Variants in PARD3 observed in about 807,000 individuals in gnomAD.
The protein encoded by PARD3 is par-3 family cell polarity regulator, also known as partitioning defective 3 homolog.
In PARD3, 75 loss-of-function variants were observed where a neutral mutation model predicts 155.4. The observed-to-expected ratio is 0.48, with a 90% CI of 0.40 to 0.58. The LOEUF (loss-of-function observed/expected upper bound fraction) is 0.58, where lower values mean the gene tolerates loss of function less well. Ranked by LOEUF, PARD3 falls within the 20% of genes least tolerant of loss-of-function variation. The pLI is 0.00. For synonymous variants in PARD3, 576 were observed against 610.5 expected, an observed-to-expected ratio of 0.94 and a Z score of 0.83; for missense variants, 1,642 against 1,721.7, an observed-to-expected ratio of 0.95 and a Z score of 0.82.
chr10:34,703,145 G>C (rs1329301193), intron 1 of PARD3, among the ~76,000 whole-genome samples: 2 of 152,088 alleles, frequency 1.3e-5, no homozygotes, highest in African/African-American at 4.8e-5. Flanking sequence ...GCACTTTGGA[G>C]GCCAAGGCAG....
At chr10:34,220,561 T>C (rs536134763) in intron 22 of PARD3, among the ~76,000 whole-genome samples, 17 of 152,240 alleles carry the variant, frequency 1.1e-4, no homozygotes, top group Admixed American at 2.0e-4. Flanking sequence ...GCCCTCTGAA[T>C]AGGGGGTGAT....
At chr10:34,434,466 A>G (rs1423939268) in intron 5 of PARD3, among the ~76,000 whole-genome samples, 1 of 152,222 alleles carries the variant, frequency 6.6e-6, no homozygotes. Context: ...GGTCAGCATA[A>G]GACATGCTGT....
intron 6 of PARD3, 112 bp from the exon 7 acceptor site, chr10:34,399,525 A>G: frequency 1.4e-6 from 1 of 722,448 alleles, no homozygotes; most frequent in Non-Finnish European, 2.5e-6. Context: ...AAACAACAAA[A>G]GAGAACAGAA....
intron 1 of PARD3, among the ~76,000 whole-genome samples, chr10:34,714,140 G>A (rs141662895): frequency 3.7e-4 from 57 of 152,178 alleles, no homozygotes; most frequent in African/African-American, 1.3e-3. Flanking sequence ...AAATGGCTCT[G>A]AATCCTAAAC....
chr10:34,756,490 A>G (rs1452821901), intron 1 of PARD3, among the ~76,000 whole-genome samples: 1 of 149,616 alleles, frequency 6.7e-6, no homozygotes, highest in Non-Finnish European at 1.5e-5. Context: ...AAAAAAAAAA[A>G]AAAAAAAAGA....
At chr10:34,211,644 G>A (rs1317469685) in intron 22 of PARD3, among the ~76,000 whole-genome samples, 2 of 152,090 alleles carry the variant, frequency 1.3e-5, no homozygotes, top group Non-Finnish European at 2.9e-5. Flanking sequence ...GCTGAGCATG[G>A]TGGTGGGCGC....
intron 22 of PARD3, among the ~76,000 whole-genome samples, chr10:34,150,103 A>C (rs144187301): frequency 1.7e-3 from 254 of 152,316 alleles, no homozygotes; most frequent in Admixed American, 3.8e-3. Context: ...TATTTTGAAT[A>C]ATTTCTTCTG....
intron 2 of PARD3, among the ~76,000 whole-genome samples, chr10:34,570,442 T>C (rs1438968609): frequency 6.6e-6 from 1 of 152,226 alleles, no homozygotes; most frequent in African/African-American, 2.4e-5. Context: ...TGTTCAATTC[T>C]GGGATTCCAT....
At chr10:34,385,997 T>C (rs1007744956) in intron 7 of PARD3, among the ~76,000 whole-genome samples, 1 of 152,262 alleles carries the variant, frequency 6.6e-6, no homozygotes. Context: ...GTATCATTTC[T>C]ACTAAAGATA....
chr10:34,494,386 C>T (rs758445680), intron 3 of PARD3, among the ~76,000 whole-genome samples: 4 of 152,216 alleles, frequency 2.6e-5, no homozygotes, highest in Non-Finnish European at 5.9e-5. Context: ...AATTCTTATA[C>T]ACTTGAACAA....
Position 34,787,774 on chromosome 10 carries a change from C to CTT in PARD3, c.120+27100_120+27101dup, listed in dbSNP as rs879835386. 8.1e-3 allele frequency among the ~76,000 whole-genome samples: 1,141 copies of CTT among 140,186 alleles called. 15 individuals carry two copies. The highest frequency in any genetic ancestry group is 0.026 in the African/African-American group (1,007 of 38,044). 92.0% of individuals were successfully genotyped at this position (140,186 alleles called of 152,430 possible). ...ACACAGCAAATGGGCAACCAACATC[C>CTT]TTTTTTTTTTTTTTTTACTTTTGAG... On this transcript the variant is annotated intron_variant, in intron 1 of 24. Coordinates refer to ENST00000374788, the MANE Select transcript of PARD3 (RefSeq NM_001184785.2).
intron 5 of PARD3, among the ~76,000 whole-genome samples, chr10:34,445,058 G>A (rs1382650664): frequency 6.6e-6 from 1 of 151,902 alleles, no homozygotes; most frequent in African/African-American, 2.4e-5. Flanking sequence ...GAAAGGCAGA[G>A]GATTTTTTTT....
At chr10:34,810,001 T>C (rs1843909977) in intron 1 of PARD3, among the ~76,000 whole-genome samples, 2 of 137,558 alleles carry the variant, frequency 1.5e-5, no homozygotes, top group Admixed American at 7.2e-5. Flanking sequence ...AGATTTTTCA[T>C]AAAAACCATG....
intron 14 of PARD3, among the ~76,000 whole-genome samples, chr10:34,354,895 T>C (rs935745177): frequency 5.9e-5 from 9 of 152,038 alleles, no homozygotes; most frequent in Non-Finnish European, 1.0e-4. Flanking sequence ...GTAGAAAAAT[T>C]TGCCTGACTG....
At chr10:34,508,477 G>A (rs767970316) in intron 3 of PARD3, among the ~76,000 whole-genome samples, 5 of 152,124 alleles carry the variant, frequency 3.3e-5, no homozygotes, top group African/African-American at 4.8e-5. Context: ...AAGGAATCTA[G>A]CCATGACCTA....
chr10:34,358,686 C>T (rs958959356), intron 14 of PARD3, among the ~76,000 whole-genome samples: 2 of 152,128 alleles, frequency 1.3e-5, no homozygotes, highest in African/African-American at 4.8e-5. Flanking sequence ...CAGTGAGATC[C>T]TGTCTCAAAT....
intron 5 of PARD3, among the ~76,000 whole-genome samples, chr10:34,442,123 CCA>C (rs1371255246): frequency 6.6e-6 from 1 of 152,176 alleles, no homozygotes; most frequent in Non-Finnish European, 1.5e-5. Flanking sequence ...CCCTTCCTTT[CCA>C]CAGAACTTTT....
At chr10:34,488,837 T>TG (rs1487326715) in intron 3 of PARD3, 1 of 154,884 alleles carries the variant, frequency 6.5e-6, no homozygotes, top group Non-Finnish European at 1.4e-5. Flanking sequence ...CCCTGGCATC[T>TG]GTGAAGATGG....
rs190361328 is a variant in PARD3 at position 34,230,198 on chromosome 10, C to A, written c.3419+39459G>T. Among the ~76,000 whole-genome samples the A allele has an allele frequency of 9.6e-3, 1,456 of 152,152 alleles. 14 individuals are homozygous for A. Among genetic ancestry groups the A allele is most frequent in the South Asian group, 0.019 (90 of 4,828 alleles). ...ACTGTAACCAATAAATAAATACATA[C>A]CATAGAACATAAACCTACCCAGCCA... On this transcript the variant is annotated intron_variant, in intron 22 of 24. Coordinates refer to ENST00000374788, the MANE Select transcript of PARD3 (RefSeq NM_001184785.2).
Sources: gnomAD v4.1 joint callset for allele counts (sites outside exome capture counted in the v4.1 genomes callset) on GRCh38, gnomAD v4.1.1 for gene constraint, MANE v1.5 for transcripts, NCBI Gene and HGNC (gene_info 2026-07-23, HGNC 2026-07-21) for gene names.